Variants in SDE2 observed in about 807,000 individuals in gnomAD.
SDE2 encodes splicing regulator SDE2.
Under a neutral mutation model 46.9 loss-of-function variants are expected in SDE2, and 31 were observed. The ratio of observed to expected loss-of-function variants is 0.66; its 90% CI spans 0.50 to 0.89. SDE2 has a LOEUF of 0.89. SDE2 is among the 40% of genes least tolerant of loss of function. SDE2 has a pLI of 0.00. For missense variants in SDE2, 542 were observed against 564.4 expected, an observed-to-expected ratio of 0.96 and a Z score of 0.40; for synonymous variants, 205 against 204.3, an observed-to-expected ratio of 1.00 and a Z score of -0.03.
Position 225,991,362 on chromosome 1 carries a change from A to G in SDE2, c.522T>C (p.Gly174=), listed in dbSNP as rs1260560040. The change falls in exon 5 of 7, where the codon GGT becomes GGC. Residue 174 remains glycine (G), a splice_region_variant and synonymous_variant. Transcript: ENST00000272091. ...AERLEDSVLK[G]MQAASSKMVS... is the part of the protein sequence containing the mutation. ...CCATCTTGCTGGAGGCAGCCTGCAT[A>G]CCTAACCAGAAATTTTAACAACTCA... 5 of 1,612,480 alleles carry G rather than the reference A, an allele frequency of 3.1e-6. No homozygotes were observed. Among genetic ancestry groups the G allele is most frequent in the Admixed American group, 1.7e-5 (1 of 59,926 alleles).
At chr1:225,998,917 AAGAG>A (rs1309764365) in intron 1 of SDE2, among the ~76,000 whole-genome samples, 3 of 152,144 alleles carry the variant, frequency 2.0e-5, no homozygotes, top group Non-Finnish European at 2.9e-5. Flanking sequence ...CGGATAAAGA[AAGAG>A]AAACAAAGTA....
intron 3 of SDE2, 78 bp downstream of exon 3, chr1:225,992,812 GC>G: frequency 1.3e-6 from 1 of 778,524 alleles, no homozygotes; most frequent in Admixed American, 2.5e-5. Context: ...TTTCCAATAT[GC>G]GTGGCATATG....
Position 225,985,313 on chromosome 1 carries a change from T to C in SDE2, c.1345A>G (p.Lys449Glu). ...AGCTCTGATGATACTCATTTTTTCTTCCCTTTCAAAGGCTTGGCAAATAAA... is the reference window on the plus strand; with the variant it reads ...AGCTCTGATGATACTCATTTTTTCTCCCCTTTCAAAGGCTTGGCAAATAAA... Reference protein sequence around the residue: ...PALFAKPLKGKKK With the variant: ...PALFAKPLKGEKK Residue 449 changes from lysine (K) to glutamate (E), a missense_variant, in exon 7 of 7, where the codon AAG (lysine) becomes GAG (glutamate). Physicochemically the swap from Lys to Glu is moderately conservative, Grantham distance 56. This residue lies in a region of SDE2 where 401 missense variants were observed against 437.8 expected (regional missense o/e 0.92). Coordinates refer to ENST00000272091, the MANE Select transcript of SDE2 (RefSeq NM_152608.4). 3.7e-6 allele frequency: 6 copies of C among 1,613,786 alleles called. No individual in the cohort carries two copies. Among genetic ancestry groups the C allele is most frequent in the Non-Finnish European group, 5.1e-6 (6 of 1,179,610 alleles).
intron 6 of SDE2, among the ~76,000 whole-genome samples, chr1:225,985,814 T>C (rs1656256472): frequency 1.3e-5 from 2 of 152,184 alleles, no homozygotes; most frequent in Admixed American, 1.3e-4. Context: ...AGTAAACATC[T>C]AAACAGTAAA....
intron 3 of SDE2, among the ~76,000 whole-genome samples, 161 bp downstream of exon 3, chr1:225,992,730 A>G (rs928335243): frequency 6.6e-6 from 1 of 152,224 alleles, no homozygotes; most frequent in African/African-American, 2.4e-5. Context: ...ACTTAATCCC[A>G]AAGATGATTA....
At chr1:225,996,310 C>A (rs1469436983) in intron 1 of SDE2, among the ~76,000 whole-genome samples, 1 of 152,130 alleles carries the variant, frequency 6.6e-6, no homozygotes, top group African/African-American at 2.4e-5. Flanking sequence ...CATTTTGTAT[C>A]TGTTTAATGT....
chr1:225,996,023 A>C (rs906090574), intron 1 of SDE2, among the ~76,000 whole-genome samples: 1 of 152,184 alleles, frequency 6.6e-6, no homozygotes, highest in African/African-American at 2.4e-5. Context: ...GACCAAGGAA[A>C]TACAGAATTA....
chr1:225,986,598 T>C (rs1378154381), intron 6 of SDE2, among the ~76,000 whole-genome samples: 1 of 152,230 alleles, frequency 6.6e-6, no homozygotes, highest in Non-Finnish European at 1.5e-5. Context: ...GAATCACACT[T>C]GGTTGTTAGG....
intron 2 of SDE2, 76 bp from the exon 3 acceptor site, chr1:225,993,078 C>T: frequency 1.5e-6 from 1 of 654,306 alleles, no homozygotes; most frequent in Non-Finnish European, 2.7e-6. Flanking sequence ...TGAAAACAAT[C>T]TGTATCACAA....
At position 225,999,273 on chromosome 1, in the gene SDE2, C is replaced by T; in HGVS notation, c.40G>A (p.Gly14Ser). ...AAALVWIRGP[G>S]FGCKAVRCAS... ...CACCGCACCGCCTTGCACCCGAAGC[C>T]AGGGCCGCGAATCCACACCAGCGCC... The change falls in exon 1 of 7, where the codon GGC becomes AGC. Residue 14 changes from glycine (G) to serine (S), a missense_variant. This residue lies in a region of SDE2 where 135 missense variants were observed against 106.5 expected (regional missense o/e 1.27). Transcript: ENST00000272091. 1 of 1,612,824 alleles carries T rather than the reference C, an allele frequency of 6.2e-7. No individual in the cohort carries two copies. Among genetic ancestry groups the T allele is most frequent in the Non-Finnish European group, 8.5e-7 (1 of 1,179,638 alleles).
At chr1:225,995,449 G>C (rs373627165) in intron 1 of SDE2, 66 bp from the exon 2 acceptor site, 3 of 814,504 alleles carry the variant, frequency 3.7e-6, no homozygotes, top group African/African-American at 1.7e-5. Context: ...TACAAGAAGG[G>C]ACCTAGCTGT....
chr1:225,990,277 TTAAG>T (rs1378004199), intron 5 of SDE2, among the ~76,000 whole-genome samples: 4 of 152,084 alleles, frequency 2.6e-5, no homozygotes, highest in Admixed American at 2.6e-4. Flanking sequence ...AAGCTTTATA[TTAAG>T]TGAGAGAAGC....
intron 5 of SDE2, among the ~76,000 whole-genome samples, chr1:225,989,681 T>C (rs1656350702): frequency 6.6e-6 from 1 of 151,044 alleles, no homozygotes; most frequent in Non-Finnish European, 1.5e-5. Flanking sequence ...TTGATTTGAT[T>C]GGTGAAAAAA....
At chr1:225,998,172 G>T (rs190879333) in intron 1 of SDE2, among the ~76,000 whole-genome samples, 2 of 152,122 alleles carry the variant, frequency 1.3e-5, no homozygotes, top group African/African-American at 4.8e-5. Flanking sequence ...CATGAAATAA[G>T]AATTATTTTC....
intron 2 of SDE2, among the ~76,000 whole-genome samples, chr1:225,993,933 CT>C (rs769186177): frequency 9.4e-5 from 5 of 53,374 alleles, no homozygotes; most frequent in Non-Finnish European, 2.2e-4. Context: ...ATGCAGCTAG[CT>C]ATTTTTTTTT....
rs773207384 is a variant in SDE2, at chr1:225,992,890, C to A, written c.350+1G>T. 1.3e-6 allele frequency: 2 copies of A among 1,583,648 alleles called. No individual in the cohort carries two copies. Among genetic ancestry groups the A allele is most frequent in the Non-Finnish European group, 1.7e-6 (2 of 1,152,742 alleles). ...AACACAAAAAAAGGTGGGCATCTTA[C>A]GCTTTTTCATGATTGACATCGCGTA... On this transcript the variant is annotated splice_donor_variant, in intron 3 of 6. Transcript: ENST00000272091. LOFTEE classifies it high-confidence loss of function.
At chr1:225,996,009 T>C (rs1656515557) in intron 1 of SDE2, among the ~76,000 whole-genome samples, 1 of 152,104 alleles carries the variant, frequency 6.6e-6, no homozygotes, top group Non-Finnish European at 1.5e-5. Context: ...AAAAGCCCAC[T>C]CTGGACCAAG....
intron 4 of SDE2, among the ~76,000 whole-genome samples, chr1:225,992,128 G>A (rs921497979): frequency 5.9e-5 from 9 of 151,380 alleles, no homozygotes; most frequent in Admixed American, 2.6e-4. Flanking sequence ...GCAGTGAGCC[G>A]AGATCACACC....
At chr1:225,991,425 A>G in intron 4 of SDE2, 62 bp from the exon 5 acceptor site, 3 of 1,367,938 alleles carry the variant, frequency 2.2e-6, no homozygotes, top group Non-Finnish European at 3.0e-6. Flanking sequence ...GAAATCATAA[A>G]TAACATGGAT....
Sources: allele counts gnomAD v4.1 joint callset (sites outside exome capture counted in the v4.1 genomes callset), GRCh38; gene constraint gnomAD v4.1.1; regional missense constraint gnomAD v4.1.1; transcripts MANE v1.5; gene names NCBI Gene and HGNC (gene_info 2026-07-23, HGNC 2026-07-21).